GPR176: variants seen among roughly 807,000 people sequenced by gnomAD.
The protein encoded by GPR176 is G-protein coupled receptor 176.
GPR176 carries 26 observed loss-of-function variants against 35.4 expected under a neutral mutation model. The ratio of observed to expected loss-of-function variants is 0.74; its 90% CI spans 0.54 to 1.02. The LOEUF is 1.02. Ranked by LOEUF, GPR176 falls within the 50% of genes least tolerant of loss-of-function variation. The pLI is 0.00. For synonymous variants in GPR176, 278 were observed against 271.3 expected (o/e 1.02, Z -0.24); for missense variants, 597 against 665.3 (o/e 0.90, Z 1.13).
At chr15:39,888,949 C>T (rs1421427571) in intron 1 of GPR176, among the ~76,000 whole-genome samples, 1 of 152,188 alleles carries the variant, frequency 6.6e-6, no homozygotes, top group African/African-American at 2.4e-5. Context: ...AATTTTCCCC[C>T]TTGAGGCACC....
chr15:39,874,964 C>G (rs2032187455), intron 1 of GPR176, among the ~76,000 whole-genome samples: 1 of 152,190 alleles, frequency 6.6e-6, no homozygotes, highest in African/African-American at 2.4e-5. Flanking sequence ...ATCACTTGAA[C>G]CTGGGAGGCG....
chr15:39,899,156 A>G (rs554460565), intron 1 of GPR176, among the ~76,000 whole-genome samples: 29 of 152,312 alleles, frequency 1.9e-4, no homozygotes, highest in Non-Finnish European at 2.9e-4. Flanking sequence ...CCTCCTGGGC[A>G]TGCTCTACCT....
intron 1 of GPR176, among the ~76,000 whole-genome samples, chr15:39,869,046 C>G (rs1356830846): frequency 6.6e-6 from 1 of 150,702 alleles, no homozygotes; most frequent in East Asian, 1.9e-4. Flanking sequence ...CTTAGTCCTA[C>G]AGAACATTTT....
intron 1 of GPR176, among the ~76,000 whole-genome samples, chr15:39,869,181 T>C (rs1312352623): frequency 1.3e-5 from 2 of 149,640 alleles, no homozygotes; most frequent in African/African-American, 5.0e-5. Context: ...AAAAGAACAC[T>C]GTGGTGAGCT....
chr15:39,869,103 G>C (rs2031946822), intron 1 of GPR176, among the ~76,000 whole-genome samples: 1 of 144,886 alleles, frequency 6.9e-6, no homozygotes, highest in Non-Finnish European at 1.5e-5. Context: ...ACTCCCCTCT[G>C]CATTCTGTTC....
chr15:39,895,395 A>G (rs548864408), intron 1 of GPR176, among the ~76,000 whole-genome samples: 3 of 152,340 alleles, frequency 2.0e-5, no homozygotes, highest in Non-Finnish European at 2.9e-5. Flanking sequence ...TTTGTGCAAC[A>G]TAAGATTTGA....
intron 1 of GPR176, among the ~76,000 whole-genome samples, chr15:39,818,788 T>TA (rs1283859207): frequency 6.6e-6 from 1 of 152,198 alleles, no homozygotes; most frequent in Non-Finnish European, 1.5e-5. Context: ...GCAACATAGA[T>TA]ACGGAGCCAT....
intron 1 of GPR176, among the ~76,000 whole-genome samples, chr15:39,897,599 ATTTTTTTT>A (rs386382791): frequency 1.1e-5 from 1 of 88,524 alleles, no homozygotes; most frequent in Non-Finnish European, 2.1e-5. Flanking sequence ...ACATCCAAAT[ATTTTTTTT>A]TTTTTTTTTT....
At chr15:39,840,716 T>G (rs933029375) in intron 1 of GPR176, among the ~76,000 whole-genome samples, 2 of 152,014 alleles carry the variant, frequency 1.3e-5, no homozygotes. Context: ...TAAATACAGA[T>G]CTAACCATTT....
chr15:39,851,930 C>T (rs542893739), intron 1 of GPR176, among the ~76,000 whole-genome samples: 16 of 152,212 alleles, frequency 1.1e-4, no homozygotes, highest in Admixed American at 7.8e-4. Flanking sequence ...ATTGTAAGTG[C>T]TTCCTTGGCT....
intron 1 of GPR176, among the ~76,000 whole-genome samples, chr15:39,849,767 A>G (rs1016934405): frequency 3.3e-5 from 5 of 152,168 alleles, no homozygotes; most frequent in Admixed American, 6.6e-5. Context: ...CATTTACAGA[A>G]CACCAATAGC....
At chr15:39,851,491 G>C (rs189178617) in intron 1 of GPR176, among the ~76,000 whole-genome samples, 56 of 152,176 alleles carry the variant, frequency 3.7e-4, no homozygotes, top group African/African-American at 1.3e-3. Context: ...TTTTCTTCCT[G>C]AGGTCAGACA....
chr15:39,885,288 A>G (rs920061638), intron 1 of GPR176, among the ~76,000 whole-genome samples: 1 of 152,224 alleles, frequency 6.6e-6, no homozygotes, highest in African/African-American at 2.4e-5. Flanking sequence ...TGTTCAACAG[A>G]GTGTGTTTCC....
At chr15:39,818,042 T>C (rs929075524) in intron 1 of GPR176, among the ~76,000 whole-genome samples, 7 of 152,230 alleles carry the variant, frequency 4.6e-5, no homozygotes, top group Non-Finnish European at 8.8e-5. Context: ...GGATTTTTGC[T>C]ACTGGTATCA....
intron 2 of GPR176, among the ~76,000 whole-genome samples, chr15:39,802,536 T>C (rs1898951253): frequency 1.3e-5 from 2 of 152,260 alleles, no homozygotes; most frequent in Admixed American, 6.5e-5. Flanking sequence ...TTTCAATTCA[T>C]AGCTAGCTTT....
intron 1 of GPR176, among the ~76,000 whole-genome samples, chr15:39,901,644 T>A (rs1595519372): frequency 1.3e-5 from 2 of 152,330 alleles, no homozygotes; most frequent in Middle Eastern, 6.8e-3. Context: ...CCAACTCTCC[T>A]GGCACTATAA....
intron 1 of GPR176, among the ~76,000 whole-genome samples, chr15:39,866,830 C>T (rs2031851230): frequency 6.6e-6 from 1 of 152,066 alleles, no homozygotes; most frequent in Non-Finnish European, 1.5e-5. Context: ...AAATAAATCA[C>T]TGAAACATAT....
At chr15:39,846,637 A>G (rs2030449825) in intron 1 of GPR176, among the ~76,000 whole-genome samples, 1 of 152,212 alleles carries the variant, frequency 6.6e-6, no homozygotes, top group Admixed American at 6.5e-5. Flanking sequence ...GAATGAAAGT[A>G]GATTTCTCAC....
At chr15:39,870,502 T>C (rs1379539953) in intron 1 of GPR176, among the ~76,000 whole-genome samples, 1 of 152,312 alleles carries the variant, frequency 6.6e-6, no homozygotes, top group East Asian at 1.9e-4. Context: ...GATAACAGAT[T>C]ATTTGTGATA....
Sources: gnomAD v4.1 joint callset for allele counts (sites outside exome capture counted in the v4.1 genomes callset) on GRCh38, gnomAD v4.1.1 for gene constraint, MANE v1.5 for transcripts, NCBI Gene and HGNC (gene_info 2026-07-23, HGNC 2026-07-21) for gene names.